PNPT1: variants seen among roughly 807,000 people sequenced by gnomAD.
The protein encoded by PNPT1 is polyribonucleotide nucleotidyltransferase 1, also known as polyribonucleotide nucleotidyltransferase 1, mitochondrial.
A neutral mutation model predicts 119.5 loss-of-function variants in PNPT1; 53 were observed. The ratio of observed to expected loss-of-function variants is 0.44; its 90% confidence interval spans 0.36 to 0.56. The LOEUF is 0.56. Among genes scored for constraint, PNPT1 ranks in the 20% least tolerant of loss-of-function variants. The probability of loss-of-function intolerance (pLI) is 0.00; values close to 1 mark genes in which losing one functional copy is unlikely to be tolerated. For synonymous variants in PNPT1, 357 were observed against 322.1 expected, an observed-to-expected ratio of 1.11 and a Z score of -1.16; for missense variants, 948 against 938.5, an observed-to-expected ratio of 1.01 and a Z score of -0.13.
Position 55,643,151 on chromosome 2 carries a change from A to G in PNPT1, c.2069+7T>C, listed in dbSNP as rs750529937. On this transcript the variant is annotated splice_region_variant and intron_variant, in intron 25 of 27. Coordinates refer to ENST00000447944, the MANE Select transcript of PNPT1 (RefSeq NM_033109.5). ...AATGCTCAGCATAGTATATTACTTG[A>G]TATTACCTGATTTCAGTTATTGTGG... 6 of 1,613,856 alleles carry G rather than the reference A, an allele frequency of 3.7e-6. No individual in the cohort carries two copies. Among genetic ancestry groups the G allele is most frequent in the Non-Finnish European group, 4.2e-6 (5 of 1,179,752 alleles).
rs1161764448 is a variant in PNPT1, at chr2:55,644,669, C to A, written c.1874G>T (p.Gly625Val). The A allele has an allele frequency of 6.2e-7, 1 of 1,612,246 alleles. No homozygotes were observed. Residue 625 changes from glycine to valine, a missense_variant, in exon 23 of 28, where the codon GGC (glycine) becomes GTC (valine). Coordinates refer to ENST00000447944, the MANE Select transcript of PNPT1 (RefSeq NM_033109.5). ...SKRAKFVGPGGYNLKKLQAET... is the reference protein window; with the variant it reads ...SKRAKFVGPGVYNLKKLQAET... ...AGCCTGAAGTTTTTTTAAGTTATAG[C>A]CACCAGGTCCAACAAATTTTGCTCG...
chr2:55,648,431 C>T (rs1696072741), intron 18 of PNPT1, among the ~76,000 whole-genome samples: 1 of 152,182 alleles, frequency 6.6e-6, no homozygotes, highest in Non-Finnish European at 1.5e-5. Flanking sequence ...CTTCTAAAGA[C>T]ATAGCATTTT....
chr2:55,649,837 T>C (rs1293244900), intron 18 of PNPT1, among the ~76,000 whole-genome samples: 1 of 152,220 alleles, frequency 6.6e-6, no homozygotes, highest in Non-Finnish European at 1.5e-5. Flanking sequence ...CCATATTAAA[T>C]AAACCTGCTT....
chr2:55,692,331 G>C (rs1011307844), intron 1 of PNPT1, among the ~76,000 whole-genome samples: 2 of 152,096 alleles, frequency 1.3e-5, no homozygotes, highest in African/African-American at 4.8e-5. Flanking sequence ...ACAAGAAAAT[G>C]GTGAATTAAC....
chr2:55,676,262 CAAAAAAAAAA>C (rs11400030), intron 8 of PNPT1, among the ~76,000 whole-genome samples: 2 of 82,852 alleles, frequency 2.4e-5, no homozygotes, highest in South Asian at 5.1e-4. Flanking sequence ...CCATCTCAAC[CAAAAAAAAAA>C]AAAAAAAAAA....
chr2:55,652,748 C>G (rs1696252347), intron 18 of PNPT1, among the ~76,000 whole-genome samples: 1 of 152,180 alleles, frequency 6.6e-6, no homozygotes. Context: ...AACAGCAATA[C>G]CCTCTACTGC....
intron 8 of PNPT1, among the ~76,000 whole-genome samples, chr2:55,677,774 CTG>C (rs1222839170): frequency 2.0e-5 from 3 of 151,890 alleles, no homozygotes; most frequent in Non-Finnish European, 4.4e-5. Context: ...GAGTCTCGCT[CTG>C]TTGCCCAGGC....
intron 18 of PNPT1, among the ~76,000 whole-genome samples, chr2:55,651,885 C>CAAAAAA: frequency 8.2e-4 from 98 of 119,728 alleles, no homozygotes; most frequent in Non-Finnish European, 1.2e-3. Context: ...AAAGGAAAGT[C>CAAAAAA]AAAAAAAAAA....
In PNPT1 at chr2:55,679,895, C is replaced by T. The variant is rs532606673; in HGVS notation, c.566-100G>A. The T allele has an allele frequency of 3.8e-6, 3 of 784,778 alleles. No homozygotes were observed. The East Asian group carries it at 8.2e-5, about 22-fold the overall frequency. 48.6% of individuals were successfully genotyped at this position (784,778 alleles called of 1,614,324 possible). On this transcript the variant is annotated intron_variant, in intron 7 of 27. Coordinates refer to ENST00000447944, the MANE Select transcript of PNPT1 (RefSeq NM_033109.5). ...TCAACCCCATCTTTGATTGTGACCA[C>T]AGAATAAAATCCATGTTTCTACACG...
intron 18 of PNPT1, among the ~76,000 whole-genome samples, chr2:55,652,259 G>A (rs1696234513): frequency 6.6e-6 from 1 of 152,090 alleles, no homozygotes; most frequent in Non-Finnish European, 1.5e-5. Context: ...CTGACTTAGG[G>A]CAGGGCAAGC....
chr2:55,672,632 C>A (rs914569057), intron 9 of PNPT1, among the ~76,000 whole-genome samples: 1 of 152,106 alleles, frequency 6.6e-6, no homozygotes, highest in African/African-American at 2.4e-5. Context: ...TTTTCCTAGA[C>A]GTGGAGAGAT....
At chr2:55,642,280 G>C (rs1695855439) in intron 25 of PNPT1, among the ~76,000 whole-genome samples, 1 of 151,964 alleles carries the variant, frequency 6.6e-6, no homozygotes, top group South Asian at 2.1e-4. Context: ...ATTAATTTGG[G>C]GTTTCACCAA....
At chr2:55,684,425 C>T (rs1240901824) in intron 4 of PNPT1, among the ~76,000 whole-genome samples, 1 of 152,158 alleles carries the variant, frequency 6.6e-6, no homozygotes, top group East Asian at 1.9e-4. Context: ...GATCGTGCCA[C>T]TGCACTCCAG....
intron 8 of PNPT1, among the ~76,000 whole-genome samples, chr2:55,675,004 T>C (rs1697021849): frequency 6.6e-6 from 1 of 152,216 alleles, no homozygotes; most frequent in Non-Finnish European, 1.5e-5. Context: ...CTCATGCCTA[T>C]TGTCCCAGTA....
chr2:55,673,138 A>AT, intron 8 of PNPT1, 59 bp from the exon 9 acceptor site: 1 of 1,309,052 alleles, frequency 7.6e-7, no homozygotes, highest in Non-Finnish European at 1.0e-6. Context: ...GTAATATAAC[A>AT]TTTTCAAATA....
chr2:55,674,781 A>C (rs1697014498), intron 8 of PNPT1, among the ~76,000 whole-genome samples: 1 of 152,178 alleles, frequency 6.6e-6, no homozygotes, highest in African/African-American at 2.4e-5. Flanking sequence ...GGTAAAGGGA[A>C]ATAAGGTTTC....
rs374905512 is a variant in PNPT1, at chr2:55,664,825, C to G, written c.1176+2166G>C. ...AAAGAGCATAAAAGAAAACCTGAAT[C>G]AAAGGTGACACTGACTCTATTCATT... On this transcript the variant is annotated intron_variant, in intron 13 of 27. Coordinates refer to ENST00000447944, the MANE Select transcript of PNPT1 (RefSeq NM_033109.5). Among the ~76,000 whole-genome samples the G allele has an allele frequency of 2.6e-5, 4 of 152,124 alleles. No homozygotes were observed. In the East Asian group the frequency reaches 5.8e-4, roughly 22 times the overall value.
chr2:55,675,671 T>G (rs1697045116), intron 8 of PNPT1, among the ~76,000 whole-genome samples: 1 of 151,984 alleles, frequency 6.6e-6, no homozygotes, highest in South Asian at 2.1e-4. Flanking sequence ...GCATTCCAGC[T>G]TGGCAACAGA....
intron 19 of PNPT1, among the ~76,000 whole-genome samples, chr2:55,646,827 CATTTT>C (rs879913536): frequency 1.3e-5 from 2 of 151,818 alleles, no homozygotes; most frequent in Non-Finnish European, 2.9e-5. Flanking sequence ...TTAAAGTAAT[CATTTT>C]ATTTTATTTT....
Sources: allele counts gnomAD v4.1 joint callset (sites outside exome capture counted in the v4.1 genomes callset), GRCh38; gene constraint gnomAD v4.1.1; transcripts MANE v1.5; gene names NCBI Gene and HGNC (gene_info 2026-07-23, HGNC 2026-07-21).